Variants in EPS15 observed in about 807,000 individuals in gnomAD.
EPS15 encodes the protein epidermal growth factor receptor pathway substrate 15.
Under a neutral mutation model 113.8 loss-of-function variants are expected in EPS15, and 72 were observed. The ratio of observed to expected loss-of-function variants is 0.63; its 90% CI spans 0.52 to 0.77. The LOEUF is 0.77. Ranked by LOEUF, EPS15 falls within the 30% of genes least tolerant of loss-of-function variation. EPS15 has a pLI of 0.00. For missense variants in EPS15, 1,048 were observed against 1,045.8 expected, an observed-to-expected ratio of 1.00 and a Z score of -0.03; for synonymous variants, 344 against 363.4, an observed-to-expected ratio of 0.95 and a Z score of 0.61.
rs1648788103 is a variant in EPS15, at chr1:51,403,520, G to A, written c.1690C>T (p.Pro564Ser). ...GTCACACCAGAAGGCAGTAGTTCAG[G>A]ACTACTTCTTGCCTACAAAATATTA... The part of the protein sequence containing the change: ...IHQESPARSS[P>S]ELLPSGVTDE... Residue 564 changes from proline to serine, a missense_variant, in exon 17 of 25, where the codon CCT (proline) becomes TCT (serine). Coordinates refer to ENST00000371733, the MANE Select transcript of EPS15 (RefSeq NM_001981.3). The A allele has an allele frequency of 9.5e-6, 15 of 1,580,080 alleles. No individual in the cohort carries two copies. Among genetic ancestry groups the A allele is most frequent in the East Asian group, 2.3e-5 (1 of 43,860 alleles).
intron 1 of EPS15, among the ~76,000 whole-genome samples, chr1:51,490,490 G>A (rs565780907): frequency 3.3e-5 from 5 of 149,980 alleles, no homozygotes; most frequent in South Asian, 2.1e-4. Context: ...GCTTGAACCC[G>A]GGAGGCAGAG....
At chr1:51,359,824 T>C (rs1422513549) in intron 24 of EPS15, among the ~76,000 whole-genome samples, 1 of 151,812 alleles carries the variant, frequency 6.6e-6, no homozygotes, top group Non-Finnish European at 1.5e-5. Context: ...CCTATTTTGC[T>C]CCTTCATAGT....
intron 8 of EPS15, among the ~76,000 whole-genome samples, chr1:51,450,074 A>G (rs1361256847): frequency 6.6e-6 from 1 of 151,614 alleles, no homozygotes; most frequent in African/African-American, 2.4e-5. Context: ...ATGGCCAAGG[A>G]GGTATTCCTA....
At chr1:51,457,772 C>G (rs1018586014) in intron 8 of EPS15, 7 of 152,006 alleles carry the variant, frequency 4.6e-5, no homozygotes, top group Non-Finnish European at 1.5e-5. Context: ...TGAAGCATTT[C>G]AAGTTTTGGA....
intron 2 of EPS15, among the ~76,000 whole-genome samples, chr1:51,477,549 T>G (rs902763724): frequency 1.6e-4 from 25 of 152,060 alleles, no homozygotes; most frequent in African/African-American, 9.7e-5. Context: ...TGATGTTAGG[T>G]TGTCAATTTT....
chr1:51,361,259 T>C lies in EPS15; in HGVS notation c.2456A>G (p.Asp819Gly). 1 of 1,613,898 alleles carries C rather than the reference T, an allele frequency of 6.2e-7. No homozygotes were observed. The highest frequency in any genetic ancestry group is 8.5e-7 in the Non-Finnish European group (1 of 1,179,814). The change falls in exon 24 of 25, where the codon GAT becomes GGT. Residue 819 changes from aspartate to glycine, a missense_variant. Coordinates refer to ENST00000371733, the MANE Select transcript of EPS15 (RefSeq NM_001981.3). ...FPGNDSPKEK[D>G]PEIFCDPFTS... is the part of the protein sequence containing the mutation. ...GAATGGATCACAAAATATTTCAGGATCTTTTTCTTTGGGGCTATCGTTGCC... is the reference window on the plus strand; with the variant it reads ...GAATGGATCACAAAATATTTCAGGACCTTTTTCTTTGGGGCTATCGTTGCC...
intron 1 of EPS15, among the ~76,000 whole-genome samples, chr1:51,510,487 T>G (rs1288212394): frequency 2.6e-5 from 4 of 152,146 alleles, no homozygotes; most frequent in Non-Finnish European, 4.4e-5. Context: ...AAGTATTTAG[T>G]ATTTATTAGG....
intron 22 of EPS15, 96 bp from the exon 23 acceptor site, chr1:51,364,124 T>C (rs1646453125): frequency 3.2e-6 from 3 of 933,376 alleles, no homozygotes; most frequent in Non-Finnish European, 4.5e-6. Flanking sequence ...TATACAGTTT[T>C]ATTTATTTTA....
chr1:51,379,618 A>G (rs1178261755), intron 21 of EPS15, among the ~76,000 whole-genome samples: 1 of 152,230 alleles, frequency 6.6e-6, no homozygotes. Flanking sequence ...GACCTACTCT[A>G]TAAGAAATGC....
chr1:51,454,500 T>G (rs1051172874), intron 8 of EPS15, among the ~76,000 whole-genome samples: 2 of 152,234 alleles, frequency 1.3e-5, no homozygotes, highest in African/African-American at 4.8e-5. Flanking sequence ...CAATATAATG[T>G]GATGACAAAA....
At chr1:51,441,072 A>C (rs1268598336) in intron 11 of EPS15, among the ~76,000 whole-genome samples, 4 of 152,078 alleles carry the variant, frequency 2.6e-5, no homozygotes, top group Non-Finnish European at 5.9e-5. Flanking sequence ...TGGTCTCTGA[A>C]TGGTCCTTGT....
At chr1:51,477,909 G>A (rs1035945041) in intron 2 of EPS15, among the ~76,000 whole-genome samples, 1 of 152,190 alleles carries the variant, frequency 6.6e-6, no homozygotes, top group African/African-American at 2.4e-5. Flanking sequence ...GTGGTGTGGT[G>A]CTGAAAATAA....
intron 11 of EPS15, among the ~76,000 whole-genome samples, chr1:51,441,050 AG>A (rs1238673033): frequency 6.6e-6 from 1 of 152,072 alleles, no homozygotes; most frequent in Non-Finnish European, 1.5e-5. Context: ...TCAACAATGA[AG>A]GTTACAAAAT....
At chr1:51,358,120 G>C (rs1043942921) in intron 24 of EPS15, among the ~76,000 whole-genome samples, 1 of 151,972 alleles carries the variant, frequency 6.6e-6, no homozygotes, top group Non-Finnish European at 1.5e-5. Flanking sequence ...AGTTCATCTT[G>C]GCAACATGGC....
At chr1:51,504,714 A>G (rs1644468396) in intron 1 of EPS15, among the ~76,000 whole-genome samples, 1 of 152,162 alleles carries the variant, frequency 6.6e-6, no homozygotes, top group African/African-American at 2.4e-5. Context: ...ATGAGATACT[A>G]AAAAAAGTAA....
intron 1 of EPS15, among the ~76,000 whole-genome samples, chr1:51,481,631 C>T (rs1018466607): frequency 1.3e-5 from 2 of 152,176 alleles, no homozygotes; most frequent in Admixed American, 6.5e-5. Flanking sequence ...AATGCTTTCT[C>T]TAAAGCCAGT....
At chr1:51,403,355 A>G in intron 17 of EPS15, 64 bp downstream of exon 17, 1 of 825,368 alleles carries the variant, frequency 1.2e-6, no homozygotes, top group Non-Finnish European at 2.0e-6. Flanking sequence ...ATGTCTGATA[A>G]TTCACCTCCT....
At chr1:51,500,456 A>G (rs2148549770) in intron 1 of EPS15, among the ~76,000 whole-genome samples, 1 of 151,918 alleles carries the variant, frequency 6.6e-6, no homozygotes, top group South Asian at 2.1e-4. Flanking sequence ...AATATTTGCT[A>G]GTTACTGGTT....
chr1:51,447,074 T>C lies in EPS15; in HGVS notation c.683A>G (p.Tyr228Cys). The change falls in exon 10 of 25, where the codon TAT becomes TGT. Residue 228 changes from tyrosine to cysteine, a missense_variant. Coordinates refer to ENST00000371733, the MANE Select transcript of EPS15 (RefSeq NM_001981.3). The part of the protein sequence containing the change: ...WVVSPAEKAK[Y>C]DEIFLKTDKD... ...ATCAGTTTTCAGGAAGATTTCATCATATTTAGCTTTTTCTGCAGGGGATAC... is the reference window on the plus strand; with the variant it reads ...ATCAGTTTTCAGGAAGATTTCATCACATTTAGCTTTTTCTGCAGGGGATAC... 2.5e-6 allele frequency: 4 copies of C among 1,613,490 alleles called. No individual in the cohort carries two copies. The highest frequency in any genetic ancestry group is 3.4e-6 in the Non-Finnish European group (4 of 1,179,800).
Sources: allele counts gnomAD v4.1 joint callset (sites outside exome capture counted in the v4.1 genomes callset), GRCh38; gene constraint gnomAD v4.1.1; transcripts MANE v1.5; gene names NCBI Gene and HGNC (gene_info 2026-07-23, HGNC 2026-07-21).